OTOG: variants seen among roughly 807,000 people sequenced by gnomAD.
OTOG encodes the protein otogelin.
OTOG carries 296 observed loss-of-function variants against 313.8 expected under a neutral mutation model. The ratio of observed to expected loss-of-function variants is 0.94; its 90% CI spans 0.86 to 1.04. The LOEUF is 1.04. OTOG is among the 50% of genes least tolerant of loss of function. The pLI, the probability that OTOG is intolerant of heterozygous loss-of-function variation, is 0.00. For synonymous variants in OTOG, 1,533 were observed against 1,554.9 expected, an observed-to-expected ratio of 0.99 and a Z score of 0.33; for missense variants, 3,948 against 3,840.1, an observed-to-expected ratio of 1.03 and a Z score of -0.74.
chr11:17,618,661 T>A (rs1330817266), intron 39 of OTOG, among the ~76,000 whole-genome samples: 1 of 152,248 alleles, frequency 6.6e-6, no homozygotes, highest in Non-Finnish European at 1.5e-5. Context: ...TATCTGACTG[T>A]AATTGTTTAT....
intron 54 of OTOG, 54 bp from the exon 55 acceptor site, chr11:17,645,510 G>A: frequency 6.6e-7 from 1 of 1,523,616 alleles, no homozygotes; most frequent in Middle Eastern, 1.7e-4. Context: ...CCATCCTGCT[G>A]CCCCGAAGAA....
chr11:17,578,633 C>A, intron 23 of OTOG, 107 bp downstream of exon 23: 1 of 1,369,796 alleles, frequency 7.3e-7, no homozygotes, highest in Non-Finnish European at 9.6e-7. Flanking sequence ...TGTAGGAAGG[C>A]ACTGGCCCAG....
At chr11:17,571,976 A>C in intron 17 of OTOG, 104 bp from the exon 18 acceptor site, 2 of 1,426,628 alleles carry the variant, frequency 1.4e-6, no homozygotes, top group Non-Finnish European at 1.9e-6. Flanking sequence ...GATTATGACT[A>C]TGTGTGTGTA....
At chr11:17,568,008 C>T (rs923352261) in intron 15 of OTOG, among the ~76,000 whole-genome samples, 5 of 152,098 alleles carry the variant, frequency 3.3e-5, no homozygotes, top group South Asian at 2.1e-4. Flanking sequence ...CCCGGGTTCA[C>T]GCCATTCTCC....
At position 17,559,554 on chromosome 11, in the gene OTOG, G is replaced by A; in HGVS notation, c.1234G>A (p.Ala412Thr). ...RQCTVHCKEK[A>T]FTYNECIACC... ...CCAAGCTGTGCACTGCAAGGAGAAG[G>A]CCTTTACCTACAATGAGTGCATCGC... Residue 412 changes from alanine to threonine, a missense_variant, in exon 12 of 56, where the codon GCC becomes ACC. Transcript: ENST00000399397. 18 of 1,550,730 alleles carry A rather than the reference G, an allele frequency of 1.2e-5. No individual in the cohort carries two copies. Among genetic ancestry groups the A allele is most frequent in the Non-Finnish European group, 1.5e-5 (17 of 1,147,042 alleles).
intron 39 of OTOG, among the ~76,000 whole-genome samples, chr11:17,621,825 T>C (rs1372047566): frequency 1.3e-5 from 2 of 152,244 alleles, no homozygotes; most frequent in African/African-American, 2.4e-5. Flanking sequence ...CATTGCCAAC[T>C]GTTCACGTTG....
intron 33 of OTOG, 90 bp downstream of exon 33, chr11:17,606,225 C>T (rs2134082741): frequency 7.1e-6 from 10 of 1,405,056 alleles, no homozygotes; most frequent in Non-Finnish European, 9.4e-6. Flanking sequence ...CTTCCAATTA[C>T]CCCTAAGAAG....
At chr11:17,622,925 G>A (rs1347737491) in intron 39 of OTOG, among the ~76,000 whole-genome samples, 1 of 152,160 alleles carries the variant, frequency 6.6e-6, no homozygotes, top group African/African-American at 2.4e-5. Context: ...CCTCCAAACT[G>A]TTCTCCATAG....
chr11:17,614,843 G>A lies in OTOG; in HGVS notation c.6528+1142G>A, dbSNP rs149354861. ...GTTTGGTACAATAACAAATAAAGTG[G>A]CTATAAACAGTTACATACAGGTTTT... On this transcript the variant is annotated intron_variant, in intron 39 of 55. Transcript: ENST00000399397. 9.3e-3 allele frequency among the ~76,000 whole-genome samples: 1,410 copies of A among 152,276 alleles called. 20 individuals carry two copies. The highest frequency in any genetic ancestry group is 0.032 in the African/African-American group (1,347 of 41,544).
chr11:17,612,672 C>T lies in OTOG; in HGVS notation c.6345C>T (p.His2115=), dbSNP rs1354725158. 28 of 1,550,496 alleles carry T rather than the reference C, an allele frequency of 1.8e-5. No individual in the cohort carries two copies. Among genetic ancestry groups the T allele is most frequent in the South Asian group, 2.4e-5 (2 of 84,066 alleles). ...DLSFVTFDGS[H]VALFKEAIYI... ...GCTTCGTGACCTTCGATGGGAGCCA[C>T]GTAGCTCTGTTCAAGGAGGCCATCT... The change falls in exon 38 of 56, where the codon CAC becomes CAT. Residue 2115 remains histidine (H), a synonymous_variant. Coordinates refer to ENST00000399397, the MANE Select transcript of OTOG (RefSeq NM_001292063.2).
chr11:17,570,184 C>T lies in OTOG; in HGVS notation c.1778-29C>T, dbSNP rs778107176. ...GCGGGGTGTGTACTGGCTGCCCTCC[C>T]ACTCTCTCCTTTTGGATTCTGTGCC... On this transcript the variant is annotated intron_variant, in intron 16 of 55. Coordinates refer to ENST00000399397, the MANE Select transcript of OTOG (RefSeq NM_001292063.2). 20 of 1,543,546 alleles carry T rather than the reference C, an allele frequency of 1.3e-5. No homozygotes were observed. The South Asian group carries it at 2.2e-4, about 17-fold the overall frequency.
Position 17,558,551 on chromosome 11 carries a change from A to T in OTOG, c.1010A>T (p.Gln337Leu), listed in dbSNP as rs1358002636. ...NPGTMQGVYEQCEALLRPPFD... is the reference protein window; with the variant it reads ...NPGTMQGVYELCEALLRPPFD... ...CCCTTGCTCTAGGGCGTGTACGAGC[A>T]GTGTGAGGCTCTACTGCGGCCCCCC... Residue 337 changes from glutamine (Q) to leucine (L), a missense_variant, in exon 10 of 56, where the codon CAG becomes CTG. Transcript: ENST00000399397. 6.4e-7 allele frequency: 1 copy of T among 1,550,410 alleles called. No homozygotes were observed. Among genetic ancestry groups the T allele is most frequent in the Non-Finnish European group, 8.7e-7 (1 of 1,147,012 alleles).
At chr11:17,552,670 G>T (rs914121286) in intron 4 of OTOG, among the ~76,000 whole-genome samples, 2 of 131,616 alleles carry the variant, frequency 1.5e-5, no homozygotes, top group Non-Finnish European at 3.3e-5. Flanking sequence ...TCTTCCCTTC[G>T]TCTATGGTTG....
At chr11:17,625,225 G>C (rs1565123767) in intron 39 of OTOG, among the ~76,000 whole-genome samples, 2 of 152,200 alleles carry the variant, frequency 1.3e-5, no homozygotes, top group Non-Finnish European at 2.9e-5. Flanking sequence ...GGGCATCCTT[G>C]TCTTGTGCCA....
intron 15 of OTOG, among the ~76,000 whole-genome samples, chr11:17,568,143 G>A (rs575024954): frequency 7.2e-5 from 11 of 152,148 alleles, no homozygotes; most frequent in African/African-American, 2.2e-4. Flanking sequence ...TCCTGACCTC[G>A]TGATCCGCCC....
chr11:17,594,694 C>T (rs1388754639), intron 28 of OTOG, among the ~76,000 whole-genome samples: 1 of 152,246 alleles, frequency 6.6e-6, no homozygotes, highest in African/African-American at 2.4e-5. Context: ...TGCGAGATGT[C>T]TAACTGAGGC....
At position 17,555,917 on chromosome 11, in the gene OTOG, C is replaced by A; in HGVS notation, c.659+20C>A. The A allele has an allele frequency of 6.6e-7, 1 of 1,522,822 alleles. No homozygotes were observed. The allele number at this position is 1,522,822 out of a possible 1,614,324, so 94.3% of individuals were successfully genotyped here. ...CATGAGGTAACTCTAACACCTTCCACATCGAGCTGTCCTATCCCTGACACT... is the reference window on the plus strand; with the variant it reads ...CATGAGGTAACTCTAACACCTTCCAAATCGAGCTGTCCTATCCCTGACACT... On this transcript the variant is annotated intron_variant, in intron 7 of 55. Transcript: ENST00000399397.
At chr11:17,635,504 C>T in intron 46 of OTOG, 106 bp from the exon 47 acceptor site, 1 of 833,514 alleles carries the variant, frequency 1.2e-6, no homozygotes. Flanking sequence ...TTAGTTAGCT[C>T]CTGCCACACC....
At chr11:17,630,089 C>T (rs7939102) in intron 40 of OTOG, among the ~76,000 whole-genome samples, 4,377 of 152,278 alleles carry the variant, frequency 0.029, 182 homozygotes, top group South Asian at 0.096. Flanking sequence ...TACACATGCA[C>T]TAACACATGC....
Sources: gnomAD v4.1 joint callset for allele counts (sites outside exome capture counted in the v4.1 genomes callset) on GRCh38, gnomAD v4.1.1 for gene constraint, MANE v1.5 for transcripts, NCBI Gene and HGNC (gene_info 2026-07-23, HGNC 2026-07-21) for gene names.